NALF1: variants seen among roughly 807,000 people sequenced by gnomAD.
NALF1 encodes the protein NALCN channel auxiliary factor 1.
A neutral mutation model predicts 48.4 loss-of-function variants in NALF1; 3 were observed. The observed-to-expected ratio is 0.06, with a 90% CI of 0.03 to 0.16. The LOEUF is 0.16. Among genes scored for constraint, NALF1 ranks in the 10% least tolerant of loss-of-function variants. The probability of loss-of-function intolerance (pLI) is 1.00; values close to 1 mark genes in which losing one functional copy is unlikely to be tolerated. For missense variants in NALF1, 526 were observed against 571.5 expected (o/e 0.92, Z 0.81); for synonymous variants, 262 against 245.7 (o/e 1.07, Z -0.62).
intron 1 of NALF1, among the ~76,000 whole-genome samples, chr13:107,529,765 G>A (rs1209390582): frequency 6.6e-6 from 1 of 152,082 alleles, no homozygotes; most frequent in East Asian, 1.9e-4. Flanking sequence ...CCATGTGAGA[G>A]AGGAACGGGC....
At chr13:107,310,520 C>T (rs1594114678) in intron 1 of NALF1, among the ~76,000 whole-genome samples, 1 of 151,766 alleles carries the variant, frequency 6.6e-6, no homozygotes, top group East Asian at 1.9e-4. Flanking sequence ...CCATGAATTT[C>T]ATTACATCAA....
intron 1 of NALF1, among the ~76,000 whole-genome samples, chr13:107,715,798 T>G (rs1031171891): frequency 6.6e-6 from 1 of 152,184 alleles, no homozygotes; most frequent in East Asian, 1.9e-4. Context: ...CACAAATAAT[T>G]ATGCTGGATT....
chr13:107,221,037 AATACTGC>A (rs1158783898), intron 1 of NALF1, among the ~76,000 whole-genome samples: 2 of 152,166 alleles, frequency 1.3e-5, no homozygotes, highest in African/African-American at 4.8e-5. Context: ...TGAAAAACCA[AATACTGC>A]ATATTCTCAT....
At chr13:107,343,593 C>T (rs1440589608) in intron 1 of NALF1, among the ~76,000 whole-genome samples, 3 of 152,158 alleles carry the variant, frequency 2.0e-5, no homozygotes, top group Non-Finnish European at 4.4e-5. Flanking sequence ...GTCCATTAAA[C>T]CTCTATCTTT....
chr13:107,857,321 T>A (rs953044399), intron 1 of NALF1, among the ~76,000 whole-genome samples: 1 of 152,102 alleles, frequency 6.6e-6, no homozygotes, highest in Admixed American at 6.5e-5. Flanking sequence ...CAACCAACCA[T>A]AACAGAATAC....
chr13:107,838,945 G>T (rs568641343), intron 1 of NALF1, among the ~76,000 whole-genome samples: 1 of 152,224 alleles, frequency 6.6e-6, no homozygotes, highest in East Asian at 1.9e-4. Flanking sequence ...CTTCTTCACA[G>T]TAAGAGAGAG....
At chr13:107,401,673 C>A (rs1757167475) in intron 1 of NALF1, among the ~76,000 whole-genome samples, 1 of 147,082 alleles carries the variant, frequency 6.8e-6, no homozygotes, top group Non-Finnish European at 1.5e-5. Flanking sequence ...TCTCACCCAA[C>A]AGAAATAGTT....
At chr13:107,369,806 G>A (rs747616371) in intron 1 of NALF1, among the ~76,000 whole-genome samples, 1 of 152,124 alleles carries the variant, frequency 6.6e-6, no homozygotes, top group Admixed American at 6.5e-5. Context: ...AATGATAGTT[G>A]GTAAGTTTTC....
chr13:107,854,875 AAAAAAAAAG>A (rs1880405212), intron 1 of NALF1, among the ~76,000 whole-genome samples: 2 of 151,352 alleles, frequency 1.3e-5, no homozygotes, highest in African/African-American at 4.9e-5. Context: ...TCTCAAAAAA[AAAAAAAAAG>A]AAAAAAAGAC....
chr13:107,747,437 T>C (rs958803112), intron 1 of NALF1, among the ~76,000 whole-genome samples: 4 of 152,176 alleles, frequency 2.6e-5, no homozygotes, highest in Admixed American at 1.3e-4. Flanking sequence ...CATCCATCCT[T>C]TAGTTTTTCT....
In NALF1 at chr13:107,265,708, CT is replaced by C. The variant is rs1008478478; in HGVS notation, c.916-54954del. 8.3e-4 allele frequency among the ~76,000 whole-genome samples: 123 copies of C among 148,200 alleles called. 1 individual carries two copies. The highest frequency in any genetic ancestry group is 3.4e-3 in the Middle Eastern group (1 of 290). On this transcript the variant is annotated intron_variant, in intron 1 of 2. Coordinates refer to ENST00000375915, the MANE Select transcript of NALF1 (RefSeq NM_001080396.3). Reference sequence around the variant, plus strand: ...GCCATGAGCCACCATGCCTGGCCTACTTTTTTTTTTGTTTTTTAATGGAAAC... The same window carrying C: ...GCCATGAGCCACCATGCCTGGCCTACTTTTTTTTTGTTTTTTAATGGAAAC...
intron 2 of NALF1, among the ~76,000 whole-genome samples, chr13:107,181,067 T>C (rs564014641): frequency 2.6e-5 from 4 of 151,746 alleles, no homozygotes; most frequent in Admixed American, 6.5e-5. Flanking sequence ...CTCTTCCTCA[T>C]TGTTAACATT....
chr13:107,486,513 G>C (rs1885332625), intron 1 of NALF1, among the ~76,000 whole-genome samples: 1 of 152,102 alleles, frequency 6.6e-6, no homozygotes, highest in Non-Finnish European at 1.5e-5. Flanking sequence ...AGGCTACAGA[G>C]CAGGTCTGGA....
chr13:107,399,952 T>C (rs1883776509), intron 1 of NALF1, among the ~76,000 whole-genome samples: 1 of 152,204 alleles, frequency 6.6e-6, no homozygotes, highest in South Asian at 2.1e-4. Context: ...TAATGCTCTT[T>C]TTAAAAGACC....
chr13:107,433,118 C>A (rs1166029420), intron 1 of NALF1, among the ~76,000 whole-genome samples: 1 of 152,120 alleles, frequency 6.6e-6, no homozygotes. Flanking sequence ...CACAACTAGA[C>A]TACCTTTAAG....
intron 1 of NALF1, among the ~76,000 whole-genome samples, chr13:107,706,746 A>T (rs925169846): frequency 1.3e-5 from 2 of 152,216 alleles, no homozygotes; most frequent in Admixed American, 6.5e-5. Flanking sequence ...ATGATTGGCT[A>T]TACTGATTCA....
chr13:107,746,653 C>G (rs892230160), intron 1 of NALF1, among the ~76,000 whole-genome samples: 1 of 152,130 alleles, frequency 6.6e-6, no homozygotes, highest in African/African-American at 2.4e-5. Context: ...TGGAGATGCA[C>G]TAAATGTAGA....
At chr13:107,343,392 TG>T (rs1211507176) in intron 1 of NALF1, among the ~76,000 whole-genome samples, 10 of 152,126 alleles carry the variant, frequency 6.6e-5, no homozygotes, top group African/African-American at 2.2e-4. Context: ...GATTGAATCA[TG>T]GGGGGCAGGT....
At chr13:107,557,305 G>T (rs1249342910) in intron 1 of NALF1, among the ~76,000 whole-genome samples, 1 of 152,162 alleles carries the variant, frequency 6.6e-6, no homozygotes, top group South Asian at 2.1e-4. Context: ...ATTCTTAAAT[G>T]TGACTCTTGT....
Sources: allele counts gnomAD v4.1 joint callset (sites outside exome capture counted in the v4.1 genomes callset), GRCh38; gene constraint gnomAD v4.1.1; transcripts MANE v1.5; gene names NCBI Gene and HGNC (gene_info 2026-07-23, HGNC 2026-07-21).